Variants in UGT1A6 observed in about 807,000 individuals in gnomAD.
UGT1A6 encodes the protein UDP glucuronosyltransferase family 1 member A6, also known as UDP-glucuronosyltransferase 1A6.
In UGT1A6, 32 loss-of-function variants were observed where a neutral mutation model predicts 44.4. That is an observed-to-expected ratio of 0.72 (90% confidence interval 0.54 to 0.97). The LOEUF (loss-of-function observed/expected upper bound fraction) is 0.97. Among genes scored for constraint, UGT1A6 ranks in the 50% least tolerant of loss-of-function variants. The pLI is 0.00. For synonymous variants in UGT1A6, 238 were observed against 248.5 expected, an observed-to-expected ratio of 0.96 and a Z score of 0.40; for missense variants, 685 against 661.9, an observed-to-expected ratio of 1.03 and a Z score of -0.38.
At chr2:233,717,672 G>C in intron 1 of UGT1A6, 1 of 421,080 alleles carries the variant, frequency 2.4e-6, no homozygotes, top group Admixed American at 2.5e-5. Flanking sequence ...GCAATCTTGC[G>C]AGCACATGTA....
chr2:233,698,411 G>T (rs1011894202), intron 1 of UGT1A6, among the ~76,000 whole-genome samples: 1 of 152,042 alleles, frequency 6.6e-6, no homozygotes, highest in African/African-American at 2.4e-5. Flanking sequence ...TGACTTCATC[G>T]CAATAAATTA....
At chr2:233,697,436 T>A (rs981508873) in intron 1 of UGT1A6, among the ~76,000 whole-genome samples, 1 of 152,032 alleles carries the variant, frequency 6.6e-6, no homozygotes, top group African/African-American at 2.4e-5. Flanking sequence ...CCTTTTTCAT[T>A]TCTGATTTTA....
rs28934877 is a variant in UGT1A6 at position 233,768,333 on chromosome 2, A to G, written c.1195A>G (p.Asn399Asp). The G allele has an allele frequency of 9.9e-6, 16 of 1,614,100 alleles. No homozygotes were observed. The highest frequency in any genetic ancestry group is 1.2e-5 in the Non-Finnish European group (14 of 1,180,052). Residue 399 changes from asparagine (N) to aspartate (D), a missense_variant, in exon 4 of 5, where the codon AAT becomes GAT. Coordinates refer to ENST00000305139, the MANE Select transcript of UGT1A6 (RefSeq NM_001072.4). Reference sequence around the variant, plus strand: ...GCCCTTGTTTGGTGATCAGATGGACAATGCAAAGCGCATGGAGACTAAGGG... The same window carrying G: ...GCCCTTGTTTGGTGATCAGATGGACGATGCAAAGCGCATGGAGACTAAGGG... ...MMPLFGDQMD[N>D]AKRMETKGAG...
chr2:233,769,591 A>G lies in UGT1A6; in HGVS notation c.1301+1152A>G. ...CTGGAGCATGTTCAGATGAGAGGAGACGGAACACGGGGACACACCAGCTTG... is the reference window on the plus strand; with the variant it reads ...CTGGAGCATGTTCAGATGAGAGGAGGCGGAACACGGGGACACACCAGCTTG... On this transcript the variant is annotated intron_variant, in intron 4 of 4. Transcript: ENST00000305139. The surrounding 1 kb of genome is among the most constrained non-coding windows in gnomAD (Gnocchi z 4.4). The G allele has an allele frequency of 6.2e-7, 1 of 1,612,772 alleles. No individual in the cohort carries two copies. The highest frequency in any genetic ancestry group is 8.5e-7 in the Non-Finnish European group (1 of 1,179,866).
intron 1 of UGT1A6, chr2:233,729,771 C>A: frequency 6.2e-7 from 1 of 1,613,970 alleles, no homozygotes; most frequent in Non-Finnish European, 8.5e-7. Flanking sequence ...AGAACATGCT[C>A]TACCCTCTGG....
chr2:233,769,450 T>A lies in UGT1A6; in HGVS notation c.1301+1011T>A. On this transcript the variant is annotated intron_variant, in intron 4 of 4. Coordinates refer to ENST00000305139, the MANE Select transcript of UGT1A6 (RefSeq NM_001072.4). The surrounding 1 kb of genome is among the most constrained non-coding windows in gnomAD (Gnocchi z 4.4). Reference sequence around the variant, plus strand: ...CTGTGCTCATGTGTGGGTGCACACGTGTGCATTCATATGCGTGTGTGTGTG... The same window carrying A: ...CTGTGCTCATGTGTGGGTGCACACGAGTGCATTCATATGCGTGTGTGTGTG... The A allele has an allele frequency of 1.3e-6, 2 of 1,587,838 alleles. No individual in the cohort carries two copies. The highest frequency in any genetic ancestry group is 1.7e-6 in the Non-Finnish European group (2 of 1,158,796).
At chr2:233,735,712 C>CA (rs2078686822) in intron 1 of UGT1A6, among the ~76,000 whole-genome samples, 1 of 152,140 alleles carries the variant, frequency 6.6e-6, no homozygotes, top group Non-Finnish European at 1.5e-5. Flanking sequence ...CTGGTGGTGA[C>CA]AAAATCTCTC....
intron 1 of UGT1A6, chr2:233,743,573 A>C (rs765598613): frequency 7.3e-7 from 1 of 1,367,260 alleles, no homozygotes; most frequent in Non-Finnish European, 9.8e-7. Context: ...CGGGTTTCCC[A>C]AGAGGTCAAA....
chr2:233,747,281 A>G, intron 1 of UGT1A6: 1 of 1,599,850 alleles, frequency 6.3e-7, no homozygotes, highest in Non-Finnish European at 8.5e-7. Context: ...CTCAGTGCCC[A>G]GCCCTGGGCT....
Position 233,772,517 on chromosome 2 carries a change from A to G in UGT1A6, c.1557A>G (p.Lys519=). Residue 519 remains lysine, a synonymous_variant, in exon 5 of 5, where the codon AAA becomes AAG. Transcript: ENST00000305139. Reference sequence around the variant, plus strand: ...ATGGCTACCGGAAATGCTTGGGGAAAAAAGGGCGAGTTAAGAAAGCCCACA... The same window carrying G: ...ATGGCTACCGGAAATGCTTGGGGAAGAAAGGGCGAGTTAAGAAAGCCCACA... ...CAYGYRKCLG[K]KGRVKKAHKS... 6.2e-7 allele frequency: 1 copy of G among 1,614,222 alleles called. No homozygotes were observed. Among genetic ancestry groups the G allele is most frequent in the South Asian group, 1.1e-5 (1 of 91,086 alleles).
At chr2:233,731,482 G>C (rs562723642) in intron 1 of UGT1A6, among the ~76,000 whole-genome samples, 2 of 152,088 alleles carry the variant, frequency 1.3e-5, no homozygotes, top group Non-Finnish European at 2.9e-5. Flanking sequence ...TCCCTGGCCT[G>C]TGTCCAGTGT....
intron 1 of UGT1A6, among the ~76,000 whole-genome samples, chr2:233,724,349 A>T (rs1243720800): frequency 1.6e-5 from 2 of 126,414 alleles, no homozygotes; most frequent in Admixed American, 7.8e-5. Flanking sequence ...GACCCCCCCC[A>T]CCTCCCTCCC....
intron 1 of UGT1A6, chr2:233,741,756 G>A (rs1189560156): frequency 1.3e-5 from 2 of 151,848 alleles, no homozygotes; most frequent in Non-Finnish European, 2.9e-5. Context: ...GTTGGTTAAT[G>A]ATGTGTTCAG....
chr2:233,697,517 A>T (rs1481615958), intron 1 of UGT1A6, among the ~76,000 whole-genome samples: 185 of 146,308 alleles, frequency 1.3e-3, no homozygotes, highest in African/African-American at 3.5e-3. Context: ...TTTTTTTTTA[A>T]AAAACTTTTT....
chr2:233,751,021 C>G (rs74787288), intron 1 of UGT1A6, among the ~76,000 whole-genome samples: 5,661 of 151,884 alleles, frequency 0.037, 155 homozygotes, highest in Non-Finnish European at 0.057. Flanking sequence ...AATAGTAGAT[C>G]CAATAGCTTG....
intron 1 of UGT1A6, among the ~76,000 whole-genome samples, chr2:233,764,876 A>G (rs1378500695): frequency 1.5e-5 from 2 of 134,982 alleles, no homozygotes; most frequent in Non-Finnish European, 3.3e-5. Flanking sequence ...AGCCCAAGGG[A>G]AAAGGCAAAG....
chr2:233,748,151 T>C, intron 1 of UGT1A6: 1 of 1,604,824 alleles, frequency 6.2e-7, no homozygotes, highest in East Asian at 2.2e-5. Flanking sequence ...TTACTTACAA[T>C]TGCTTCCATA....
chr2:233,726,835 ATT>A (rs1243429736), intron 1 of UGT1A6, among the ~76,000 whole-genome samples: 1 of 152,090 alleles, frequency 6.6e-6, no homozygotes, highest in African/African-American at 2.4e-5. Flanking sequence ...TTTAAATTTA[ATT>A]TTTGTTCCTT....
At chr2:233,714,600 T>C (rs1271124758) in intron 1 of UGT1A6, among the ~76,000 whole-genome samples, 1 of 152,252 alleles carries the variant, frequency 6.6e-6, no homozygotes, top group East Asian at 1.9e-4. Flanking sequence ...CTAGTGGGCA[T>C]GTTAAACACC....
Sources: gnomAD v4.1 joint callset for allele counts (sites outside exome capture counted in the v4.1 genomes callset) on GRCh38, gnomAD v4.1.1 for gene constraint, Gnocchi (gnomAD v3.1) non-coding constraint, MANE v1.5 for transcripts, NCBI Gene and HGNC (gene_info 2026-07-23, HGNC 2026-07-21) for gene names.